The following LRMDA variants were observed in gnomAD, a reference collection of about 807,000 sequenced individuals.
The protein encoded by LRMDA is leucine rich melanocyte differentiation associated.
In LRMDA, 18 loss-of-function variants were observed where a neutral mutation model predicts 29.8. That is an observed-to-expected ratio of 0.60 (90% CI 0.42 to 0.90). The LOEUF (loss-of-function observed/expected upper bound fraction) is 0.90, where lower values mean the gene tolerates loss of function less well. LRMDA is among the 40% of genes least tolerant of loss of function. The pLI is 0.00. For missense variants in LRMDA, 273 were observed against 273.9 expected (o/e 1.00, Z 0.02); for synonymous variants, 125 against 109.4 (o/e 1.14, Z -0.89).
chr10:76,313,168 G>A (rs1840650034), intron 5 of LRMDA, among the ~76,000 whole-genome samples: 2 of 152,146 alleles, frequency 1.3e-5, no homozygotes, highest in Admixed American at 1.3e-4. Context: ...TTTGTCAGGG[G>A]ACTTAATTTC....
intron 2 of LRMDA, among the ~76,000 whole-genome samples, chr10:75,650,004 CTATTT>C (rs767401172): frequency 2.0e-5 from 3 of 152,042 alleles, no homozygotes; most frequent in Non-Finnish European, 4.4e-5. Flanking sequence ...ATTAGGACTT[CTATTT>C]TGAGTATTAA....
At chr10:76,326,101 C>G (rs1282409865) in intron 6 of LRMDA, among the ~76,000 whole-genome samples, 1 of 152,106 alleles carries the variant, frequency 6.6e-6, no homozygotes, top group Non-Finnish European at 1.5e-5. Context: ...GGTTGCCTGA[C>G]CAGTGCTGAC....
intron 2 of LRMDA, among the ~76,000 whole-genome samples, chr10:75,746,728 G>T (rs905653960): frequency 4.0e-5 from 6 of 151,462 alleles, no homozygotes; most frequent in Middle Eastern, 3.4e-3. Flanking sequence ...TGCTATTTTT[G>T]GGGGGGGAGC....
chr10:76,327,795 A>C (rs1840854463), intron 6 of LRMDA, among the ~76,000 whole-genome samples: 1 of 152,172 alleles, frequency 6.6e-6, no homozygotes, highest in Non-Finnish European at 1.5e-5. Context: ...CTCAGACCTC[A>C]ATTCTGTTGC....
At chr10:75,951,344 A>G (rs1846570603) in intron 2 of LRMDA, among the ~76,000 whole-genome samples, 1 of 152,192 alleles carries the variant, frequency 6.6e-6, no homozygotes, top group Non-Finnish European at 1.5e-5. Context: ...AGGAATGCTG[A>G]GCCACTGCAG....
At chr10:76,248,240 G>A (rs559531079) in intron 5 of LRMDA, among the ~76,000 whole-genome samples, 2 of 152,260 alleles carry the variant, frequency 1.3e-5, no homozygotes, top group East Asian at 1.9e-4. Context: ...GGATGCTGCC[G>A]AACATCCTAC....
intron 5 of LRMDA, among the ~76,000 whole-genome samples, chr10:76,238,706 C>G (rs1341421186): frequency 6.6e-6 from 1 of 150,514 alleles, no homozygotes; most frequent in Admixed American, 6.6e-5. Context: ...CGGACAACAT[C>G]AACAATGTAA....
intron 2 of LRMDA, among the ~76,000 whole-genome samples, chr10:75,985,229 A>G (rs193143534): frequency 6.6e-6 from 1 of 152,342 alleles, no homozygotes; most frequent in East Asian, 1.9e-4. Context: ...AAGGAGAGAA[A>G]GTAAATAAGA....
At position 75,936,460 on chromosome 10, in the gene LRMDA, C is replaced by T. The variant is rs79742719; in HGVS notation, c.132-99548C>T. Among the ~76,000 whole-genome samples, 544 of 152,130 alleles carry T rather than the reference C, an allele frequency of 3.6e-3. 20 individuals are homozygous for T. In the East Asian group the frequency reaches 0.091, roughly 25 times the overall value. ...TCTAGACATGGTGTGTGGTTTTAGG[C>T]CTATTTGCATATCTATTTGTATATA... is the stretch of plus-strand genomic sequence containing the variant. On this transcript the variant is annotated intron_variant, in intron 2 of 6. Coordinates refer to ENST00000611255, the MANE Select transcript of LRMDA (RefSeq NM_001305581.2).
At position 76,557,503 on chromosome 10, in the gene LRMDA, T is replaced by C. The variant is rs1843573482; in HGVS notation, c.*215T>C. 5.1e-6 allele frequency: 3 copies of C among 590,018 alleles called. No homozygotes were observed. The highest frequency in any genetic ancestry group is 9.0e-6 in the Non-Finnish European group (3 of 332,700). The allele number at this position is 590,018 out of a possible 1,614,324, so 36.5% of individuals were successfully genotyped here. A position where few individuals can be genotyped will look rare whatever the true frequency, so the allele number is the denominator to read the frequency against. ...AGTGGTCACATAGAGATTGACATGATTGCCCTTAAGCAGGTCTCATCCACC... is the reference window on the plus strand; with the variant it reads ...AGTGGTCACATAGAGATTGACATGACTGCCCTTAAGCAGGTCTCATCCACC... On this transcript the variant is annotated 3_prime_UTR_variant, in exon 7 of 7. Transcript: ENST00000611255.
intron 5 of LRMDA, among the ~76,000 whole-genome samples, chr10:76,272,888 A>G (rs1319454286): frequency 6.6e-6 from 1 of 152,148 alleles, no homozygotes; most frequent in Non-Finnish European, 1.5e-5. Context: ...TCTTACGAGA[A>G]CTCACTCACT....
At chr10:76,511,815 A>G in intron 6 of LRMDA, among the ~76,000 whole-genome samples, 1 of 151,160 alleles carries the variant, frequency 6.6e-6, no homozygotes, top group Non-Finnish European at 1.5e-5. Context: ...TAGATTCAGC[A>G]CAATTCCTAT....
chr10:76,297,215 C>T (rs1380165223), intron 5 of LRMDA, among the ~76,000 whole-genome samples: 2 of 152,236 alleles, frequency 1.3e-5, no homozygotes, highest in East Asian at 1.9e-4. Context: ...AAAGTTCCCA[C>T]TCACATTGTA....
intron 5 of LRMDA, among the ~76,000 whole-genome samples, chr10:76,071,693 A>G (rs1244230836): frequency 6.6e-6 from 1 of 152,204 alleles, no homozygotes; most frequent in African/African-American, 2.4e-5. Context: ...AACTGCTACA[A>G]ACAGTTCACT....
At chr10:75,661,727 A>G (rs568620174) in intron 2 of LRMDA, among the ~76,000 whole-genome samples, 1 of 152,326 alleles carries the variant, frequency 6.6e-6, no homozygotes, top group African/African-American at 2.4e-5. Context: ...AGAAACACAC[A>G]TGATGTACAG....
intron 2 of LRMDA, among the ~76,000 whole-genome samples, chr10:75,610,801 C>T (rs1268010285): frequency 1.3e-5 from 2 of 152,122 alleles, no homozygotes; most frequent in Non-Finnish European, 2.9e-5. Context: ...AATGTTTTTC[C>T]CTCAAGTCTT....
chr10:75,898,587 C>T (rs1845621596), intron 2 of LRMDA, among the ~76,000 whole-genome samples: 1 of 151,852 alleles, frequency 6.6e-6, no homozygotes, highest in Admixed American at 6.6e-5. Flanking sequence ...TCTACTGGAC[C>T]CTGGGAACGG....
intron 2 of LRMDA, among the ~76,000 whole-genome samples, chr10:75,695,300 C>G (rs1021058862): frequency 3.3e-5 from 5 of 152,232 alleles, no homozygotes; most frequent in African/African-American, 1.2e-4. Flanking sequence ...AAGCCTCAGA[C>G]AGCAAATTAT....
At chr10:76,356,031 G>C (rs1366710910) in intron 6 of LRMDA, among the ~76,000 whole-genome samples, 4 of 152,072 alleles carry the variant, frequency 2.6e-5, no homozygotes, top group African/African-American at 9.7e-5. Context: ...TTTAAAATTG[G>C]CTACACCCAG....
Sources: allele counts gnomAD v4.1 joint callset (sites outside exome capture counted in the v4.1 genomes callset), GRCh38; gene constraint gnomAD v4.1.1; transcripts MANE v1.5; gene names NCBI Gene and HGNC (gene_info 2026-07-23, HGNC 2026-07-21).